The following HLA-DQA1 variants were observed in gnomAD, a reference collection of about 807,000 sequenced individuals.
The protein encoded by HLA-DQA1 is major histocompatibility complex, class II, DQ alpha 1.
Under a neutral mutation model 20.7 loss-of-function variants are expected in HLA-DQA1, and 10 were observed. The observed-to-expected ratio is 0.48, with a 90% CI of 0.30 to 0.82. The LOEUF is 0.82. Among genes scored for constraint, HLA-DQA1 ranks in the 40% least tolerant of loss-of-function variants. HLA-DQA1 has a pLI of 0.07. For synonymous variants in HLA-DQA1, 39 were observed against 109.2 expected (o/e 0.36, Z 4.01); for missense variants, 127 against 293.0 (o/e 0.43, Z 4.14).
the HLA-DQA1 span, among the ~76,000 whole-genome samples, chr6:32,655,151 G>A: frequency 0.44 from 45,611 of 103,196 alleles, 9,046 homozygotes; most frequent in Middle Eastern, 0.54. Context: ...AAAAAGTCAT[G>A]TAGTACCCTG....
downstream of HLA-DQA1, chr6:32,643,733 GTCA>G (rs1781675718): frequency 6.7e-6 from 1 of 149,426 alleles, no homozygotes; most frequent in Non-Finnish European, 1.5e-5. Context: ...CTCTTCCCTT[GTCA>G]CCTTGAGATA....
At chr6:32,651,453 G>A (rs1782184655), downstream of HLA-DQA1, among the ~76,000 whole-genome samples, 1 of 85,386 alleles carries the variant, frequency 1.2e-5, no homozygotes, top group Non-Finnish European at 2.5e-5. Flanking sequence ...GCATGGTGGC[G>A]GGCGCCTGTA....
intron 1 of HLA-DQA1, among the ~76,000 whole-genome samples, chr6:32,640,876 A>G (rs1447562994): frequency 1.8e-5 from 2 of 113,970 alleles, no homozygotes; most frequent in Non-Finnish European, 3.8e-5. Context: ...CTGAGAGGAA[A>G]GGAAGTATAA....
At chr6:32,641,766 C>T (rs566777425) in intron 2 of HLA-DQA1, among the ~76,000 whole-genome samples, 1 of 122,600 alleles carries the variant, frequency 8.2e-6, no homozygotes, top group African/African-American at 2.9e-5. Flanking sequence ...TCTCATCAAC[C>T]TCCTACTTTA....
the HLA-DQA1 span, among the ~76,000 whole-genome samples, chr6:32,653,507 C>A: frequency 2.1e-5 from 2 of 96,196 alleles, 1 homozygote; most frequent in African/African-American, 7.2e-5. Context: ...CATGATCCAC[C>A]CACCTCGGCC....
In HLA-DQA1 at chr6:32,640,584, G is replaced by A. The variant is rs1285950721; in HGVS notation, c.83-726G>A. ...AAAAAAAAAAAAAGGTGGGGGGAAT[G>A]ACAGAAATCCAAAAACTAGTAGAGC... is the stretch of plus-strand genomic sequence containing the variant. On this transcript the variant is annotated intron_variant, in intron 1 of 4. Coordinates refer to ENST00000343139, the MANE Select transcript of HLA-DQA1 (RefSeq NM_002122.5). Among the ~76,000 whole-genome samples, 3 of 102,088 alleles carry A rather than the reference G, an allele frequency of 2.9e-5. No individual in the cohort carries two copies. In the Admixed American group the frequency reaches 3.5e-4, roughly 12 times the overall value. The allele number at this position is 102,088 out of a possible 152,430, so 67.0% of individuals were successfully genotyped here. A position where few individuals can be genotyped will look rare whatever the true frequency, so the allele number is the denominator to read the frequency against.
At chr6:32,639,144 C>T in intron 1 of HLA-DQA1, 1 of 223,186 alleles carries the variant, frequency 4.5e-6, no homozygotes, top group Non-Finnish European at 9.0e-6. Context: ...AACCTCACAC[C>T]AGAGTGCCCT....
chr6:32,642,602 T>A lies in HLA-DQA1; in HGVS notation c.614-8T>A, dbSNP rs9272784. 33,785 of 1,214,508 alleles carry A rather than the reference T, an allele frequency of 0.028. 9,393 individuals are homozygous for A. Among genetic ancestry groups the A allele is most frequent in the Admixed American group, 0.16 (6,491 of 41,484 alleles). 75.2% of individuals were successfully genotyped at this position (1,214,508 alleles called of 1,614,324 possible). A position where few individuals can be genotyped will look rare whatever the true frequency, so the allele number is the denominator to read the frequency against. On this transcript the variant is annotated splice_region_variant and splice_polypyrimidine_tract_variant and intron_variant, in intron 3 of 4. Coordinates refer to ENST00000343139, the MANE Select transcript of HLA-DQA1 (RefSeq NM_002122.5). ...TGCATTCTGACCTCAACAACTTCAC[T>A]TCCACAGAGCCTGAGATTCCAGCCC...
the HLA-DQA1 span, among the ~76,000 whole-genome samples, chr6:32,652,206 G>A: frequency 3.4e-5 from 3 of 88,876 alleles, 1 homozygote; most frequent in African/African-American, 1.2e-4. Flanking sequence ...GGCTGAACCC[G>A]GGAGGCGGAG....
downstream of HLA-DQA1, among the ~76,000 whole-genome samples, chr6:32,648,024 A>G (rs17843586): frequency 0.57 from 84,635 of 149,596 alleles, 24,251 homozygotes; most frequent in Middle Eastern, 0.7. Flanking sequence ...ATGAGGTAAA[A>G]CGAGAAAGTG....
downstream of HLA-DQA1, chr6:32,646,637 T>A (rs9273277): frequency 5.0e-4 from 27 of 54,024 alleles, 3 homozygotes; most frequent in East Asian, 1.9e-3. Context: ...CCTACCACAT[T>A]TAAACTAGGG....
rs866657214 is a variant in HLA-DQA1, at chr6:32,637,534, A to T, written c.76A>T (p.Ile26Phe). The change falls in exon 1 of 5, where the codon ATT (isoleucine) becomes TTT (phenylalanine). Residue 26 changes from isoleucine to phenylalanine, a missense_variant. This residue lies in a region of HLA-DQA1 where 36 missense variants were observed against 44.8 expected (regional missense o/e 0.80). Coordinates refer to ENST00000343139, the MANE Select transcript of HLA-DQA1 (RefSeq NM_002122.5). ...GATGAGCCCCTGTGGAGGTGAAGAC[A>T]TTGTGGGTGAGTGCATGAGTGAGGG... ...TVMSPCGGEDIVADHVASCGV... is the reference protein window; with the variant it reads ...TVMSPCGGEDFVADHVASCGV... 7.9e-6 allele frequency: 9 copies of T among 1,138,832 alleles called. 3 individuals are homozygous for T. Among genetic ancestry groups the T allele is most frequent in the Non-Finnish European group, 9.9e-6 (8 of 805,686 alleles). 70.5% of individuals were successfully genotyped at this position (1,138,832 alleles called of 1,614,324 possible). A position where few individuals can be genotyped will look rare whatever the true frequency, so the allele number is the denominator to read the frequency against.
At chr6:32,638,899 T>C (rs34701372) in intron 1 of HLA-DQA1, 23,941 of 333,276 alleles carry the variant, frequency 0.072, 4,550 homozygotes, top group South Asian at 0.078. Flanking sequence ...CCTTTCTCCC[T>C]CTTCCCTTTC....
chr6:32,654,514 C>T, the HLA-DQA1 span, among the ~76,000 whole-genome samples: 9,345 of 65,696 alleles, frequency 0.14, 1,361 homozygotes, highest in Middle Eastern at 0.3. Flanking sequence ...CTTATCCTCC[C>T]ATATACTTTA....
intron 1 of HLA-DQA1, among the ~76,000 whole-genome samples, chr6:32,640,798 G>A (rs1581983785): frequency 1.8e-5 from 1 of 55,992 alleles, no homozygotes; most frequent in East Asian, 6.9e-4. Context: ...ATAAGATCCT[G>A]CATGCTTTTC....
chr6:32,653,619 C>A, the HLA-DQA1 span, among the ~76,000 whole-genome samples: 1 of 100,950 alleles, frequency 9.9e-6, no homozygotes, highest in Admixed American at 1.2e-4. Context: ...AGAACTACCA[C>A]ATGATCTGGC....
At chr6:32,640,845 G>A (rs28383419) in intron 1 of HLA-DQA1, among the ~76,000 whole-genome samples, 25,448 of 101,092 alleles carry the variant, frequency 0.25, 5,372 homozygotes, top group East Asian at 0.34. Flanking sequence ...TCTGTGTAGA[G>A]TGTCCTATTC....
At chr6:32,647,491 T>C (rs550204266), downstream of HLA-DQA1, among the ~76,000 whole-genome samples, 38 of 48,730 alleles carry the variant, frequency 7.8e-4, 1 homozygote, top group East Asian at 2.3e-3. Flanking sequence ...AAAACCATGG[T>C]ACTCTTCTCT....
chr6:32,640,557 G>GAA lies in HLA-DQA1; in HGVS notation c.83-740_83-739dup, dbSNP rs75874670. 1.9e-3 allele frequency among the ~76,000 whole-genome samples: 147 copies of GAA among 76,482 alleles called. 36 individuals carry two copies. Among genetic ancestry groups the GAA allele is most frequent in the Non-Finnish European group, 2.7e-3 (94 of 35,420 alleles). The allele number at this position is 76,482 out of a possible 152,430, so 50.2% of individuals were successfully genotyped here. A position where few individuals can be genotyped will look rare whatever the true frequency, so the allele number is the denominator to read the frequency against. ...AGACATTTAGTAATCTCCTTCACAG[G>GAA]AAAAAAAAAAAAAAGGTGGGGGGAA... On this transcript the variant is annotated intron_variant, in intron 1 of 4. Transcript: ENST00000343139.
Sources: allele counts gnomAD v4.1 joint callset (sites outside exome capture counted in the v4.1 genomes callset), GRCh38; gene constraint gnomAD v4.1.1; regional missense constraint gnomAD v4.1.1; transcripts MANE v1.5; gene names NCBI Gene and HGNC (gene_info 2026-07-23, HGNC 2026-07-21).